The following HCLS1 variants were observed in gnomAD, a reference collection of about 807,000 sequenced individuals.
HCLS1 encodes hematopoietic lineage cell-specific protein.
A neutral mutation model predicts 68.6 loss-of-function variants in HCLS1; 44 were observed. That is an observed-to-expected ratio of 0.64 (90% CI 0.50 to 0.82). The LOEUF (loss-of-function observed/expected upper bound fraction) is 0.82, where lower values mean the gene tolerates loss of function less well. HCLS1 is among the 40% of genes least tolerant of loss of function. The pLI is 0.00. For synonymous variants in HCLS1, 217 were observed against 225.8 expected, an observed-to-expected ratio of 0.96 and a Z score of 0.35; for missense variants, 602 against 612.1, an observed-to-expected ratio of 0.98 and a Z score of 0.17.
At chr3:121,633,033 G>T (rs757442924) in intron 11 of HCLS1, 34 bp downstream of exon 11, 3 of 1,415,008 alleles carry the variant, frequency 2.1e-6, no homozygotes, top group South Asian at 1.2e-5. Context: ...GAGAAGATGG[G>T]GTGGGGGCAG....
In HCLS1 at chr3:121,634,212, A is replaced by C; in HGVS notation, c.898T>G (p.Ser300Ala). 1 of 1,614,134 alleles carries C rather than the reference A, an allele frequency of 6.2e-7. No individual in the cohort carries two copies. The highest frequency in any genetic ancestry group is 1.1e-5 in the South Asian group (1 of 91,080). ...VPAPLPKKIS[S>A]EAWPPVGTPP... ...CCAGAGGGCCAGGCGCTCACCTCTG[A>C]GGAGATTTTCTTGGGCAGTGGGGCC... is the stretch of plus-strand genomic sequence containing the variant. The change falls in exon 10 of 14, where the codon TCA (serine) becomes GCA (alanine). Residue 300 changes from serine to alanine, a missense_variant. Ser to Ala is a moderately conservative substitution (Grantham distance 99, BLOSUM62 1). Transcript: ENST00000314583.
chr3:121,641,626 G>T (rs568215497), intron 6 of HCLS1, among the ~76,000 whole-genome samples: 1 of 152,282 alleles, frequency 6.6e-6, no homozygotes, highest in East Asian at 1.9e-4. Context: ...TAAAAAGAAT[G>T]TAGTTAAAAT....
At chr3:121,645,248 A>C (rs1187682933) in intron 4 of HCLS1, among the ~76,000 whole-genome samples, 1 of 152,222 alleles carries the variant, frequency 6.6e-6, no homozygotes, top group African/African-American at 2.4e-5. Context: ...AAACAAGAGC[A>C]TTGTGCAGCA....
At chr3:121,645,660 T>C (rs1402703434) in intron 4 of HCLS1, among the ~76,000 whole-genome samples, 1 of 151,964 alleles carries the variant, frequency 6.6e-6, no homozygotes, top group Non-Finnish European at 1.5e-5. Flanking sequence ...CTGCCATGTA[T>C]ATCTTATGTG....
rs1560136017 is a variant in HCLS1, at chr3:121,632,468, G to GGCTCAGGCTCA, written c.1103_1104insTGAGCCTGAGC (p.Glu373SerfsTer86). On this transcript the variant is annotated frameshift_variant, in exon 12 of 14. Transcript: ENST00000314583. LOFTEE classifies it high-confidence loss of function. Reference sequence around the variant, plus strand: ...CATTCTCAGGCTCGGGCTCAGGCTCGGGCTCAGGCTCAGGCTCTGCTTCGT... The same window carrying GGCTCAGGCTCA: ...CATTCTCAGGCTCGGGCTCAGGCTCGGCTCAGGCTCAGGCTCAGGCTCAGGCTCTGCTTCGT... 2.3e-4 allele frequency: 373 copies of GGCTCAGGCTCA among 1,613,140 alleles called. 1 individual carries two copies. Among genetic ancestry groups the GGCTCAGGCTCA allele is most frequent in the Non-Finnish European group, 2.9e-4 (347 of 1,179,700 alleles).
At chr3:121,640,309 G>A (rs2049184586) in intron 6 of HCLS1, among the ~76,000 whole-genome samples, 1 of 152,048 alleles carries the variant, frequency 6.6e-6, no homozygotes, top group South Asian at 2.1e-4. Context: ...AGAAGTAGAG[G>A]CAATATTTCC....
In HCLS1 at chr3:121,632,433, T is replaced by A. The variant is rs2049107184; in HGVS notation, c.1139A>T (p.Asp380Val). Reference sequence around the variant, plus strand: ...CTCATGCCTGTCCATCTCCTCAACGTCCTCATAGTCATTCTCAGGCTCGGG... The same window carrying A: ...CTCATGCCTGTCCATCTCCTCAACGACCTCATAGTCATTCTCAGGCTCGGG... Reference protein sequence around the residue: ...PEPEPENDYEDVEEMDRHEQE... With the variant: ...PEPEPENDYEVVEEMDRHEQE... The change falls in exon 12 of 14, where the codon GAC becomes GTC. Residue 380 changes from aspartate (D) to valine (V), a missense_variant. Physicochemically the swap from Asp to Val is radical, Grantham distance 152. Coordinates refer to ENST00000314583, the MANE Select transcript of HCLS1 (RefSeq NM_005335.6). 2 of 1,611,214 alleles carry A rather than the reference T, an allele frequency of 1.2e-6. No homozygotes were observed. Among genetic ancestry groups the A allele is most frequent in the Non-Finnish European group, 1.7e-6 (2 of 1,179,828 alleles).
At chr3:121,639,363 T>A (rs551947430) in intron 6 of HCLS1, among the ~76,000 whole-genome samples, 1 of 152,164 alleles carries the variant, frequency 6.6e-6, no homozygotes, top group Non-Finnish European at 1.5e-5. Context: ...ATATCAGAGA[T>A]CATATTCTGA....
intron 3 of HCLS1, chr3:121,655,671 G>C (rs1430411668): frequency 7.3e-6 from 1 of 137,464 alleles, no homozygotes; most frequent in African/African-American, 2.7e-5. Flanking sequence ...AAAGGAAAAG[G>C]GTCTTGTGGT....
At position 121,637,290 on chromosome 3, in the gene HCLS1, CT is replaced by C. The variant is rs553874090; in HGVS notation, c.455-35del. The C allele has an allele frequency of 5.4e-4, 775 of 1,435,728 alleles. 4 individuals are homozygous for C. The South Asian group carries it at 8.4e-3, about 15-fold the overall frequency. The allele number at this position is 1,435,728 out of a possible 1,614,324, so 88.9% of individuals were successfully genotyped here. A position where few individuals can be genotyped will look rare whatever the true frequency, so the allele number is the denominator to read the frequency against. On this transcript the variant is annotated intron_variant, in intron 6 of 13. Transcript: ENST00000314583. The stretch of plus-strand genomic sequence containing the variant: ...GAAGGAGCAGTCATGAGAGCCCACC[CT>C]TAGGCTCCAGCACACAGGGAAGCGC...
rs1441578629 is a variant in HCLS1 at position 121,657,283 on chromosome 3, T to C, written c.154A>G (p.Ile52Val). The change falls in exon 3 of 14, where the codon ATC becomes GTC. Residue 52 changes from isoleucine to valine, a missense_variant. Transcript: ENST00000314583. ...TCCAGTCCTTTCGGCACCTACTTGA[T>C]GTGTTCTGTGCGTCCAGACCCCTCG... ...TIEGSGRTEH[I>V]NIHQLRNKVS... 2 of 1,613,806 alleles carry C rather than the reference T, an allele frequency of 1.2e-6. No individual in the cohort carries two copies. The highest frequency in any genetic ancestry group is 1.7e-6 in the Non-Finnish European group (2 of 1,179,752).
Position 121,632,145 on chromosome 3 carries a change from A to C in HCLS1, c.1280T>G (p.Val427Gly), listed in dbSNP as rs199584417. The change falls in exon 13 of 14, where the codon GTG becomes GGG. Residue 427 changes from valine (V) to glycine (G), a missense_variant. Transcript: ENST00000314583. ...GCPAGAGAGAVALGISAVAVY... is the reference protein window; with the variant it reads ...GCPAGAGAGAGALGISAVAVY... ...AGCCACAGCTGAGATCCCCAGAGCC[A>C]CAGCCCCAGCCCCAGCCCCAGCCGG... is the stretch of plus-strand genomic sequence containing the variant. 5 of 1,612,596 alleles carry C rather than the reference A, an allele frequency of 3.1e-6. No individual in the cohort carries two copies. The highest frequency in any genetic ancestry group is 1.1e-5 in the South Asian group (1 of 91,004).
At chr3:121,634,522 G>T in intron 9 of HCLS1, 104 bp from the exon 10 acceptor site, 1 of 1,026,456 alleles carries the variant, frequency 9.7e-7, no homozygotes, top group Non-Finnish European at 1.5e-6. Flanking sequence ...TCCGGGAGGA[G>T]GGATTTGTGG....
intron 3 of HCLS1, chr3:121,655,370 G>A (rs1040382015): frequency 6.6e-6 from 1 of 150,494 alleles, no homozygotes; most frequent in Non-Finnish European, 1.5e-5. Flanking sequence ...TACTGCATTA[G>A]ACATTGGCTA....
chr3:121,635,794 C>G lies in HCLS1; in HGVS notation c.632G>C (p.Gly211Ala), dbSNP rs368885768. 20 of 1,614,036 alleles carry G rather than the reference C, an allele frequency of 1.2e-5. No homozygotes were observed. Among genetic ancestry groups the G allele is most frequent in the Admixed American group, 1.2e-4 (7 of 60,014 alleles). Residue 211 changes from glycine (G) to alanine (A), a missense_variant, in exon 9 of 14, where the codon GGC becomes GCC. Gly to Ala is a moderately conservative substitution (Grantham distance 60). Transcript: ENST00000314583. ...GGTCGGGGCCTCCATTTCATTGAAGCCGACAGCGCTCTGCAGGCAGGAGAA... is the reference window on the plus strand; with the variant it reads ...GGTCGGGGCCTCCATTTCATTGAAGGCGACAGCGCTCTGCAGGCAGGAGAA... ...QKDRVDKSAV[G>A]FNEMEAPTTA...
intron 4 of HCLS1, among the ~76,000 whole-genome samples, chr3:121,646,799 C>A (rs1340980417): frequency 7.5e-6 from 1 of 134,202 alleles, no homozygotes; most frequent in African/African-American, 2.7e-5. Flanking sequence ...TCTTATAGAG[C>A]CAATTATTTT....
chr3:121,660,016 G>A (rs1937959012), intron 1 of HCLS1, among the ~76,000 whole-genome samples: 1 of 152,116 alleles, frequency 6.6e-6, no homozygotes, highest in South Asian at 2.1e-4. Context: ...GTGAGAACCA[G>A]AGAGTAATCT....
chr3:121,633,230 T>A (rs1385853711), intron 10 of HCLS1, 59 bp from the exon 11 acceptor site: 2 of 1,149,868 alleles, frequency 1.7e-6, no homozygotes, highest in Admixed American at 4.4e-5. Context: ...CCTTTTTTTT[T>A]TTTGAGATAG....
chr3:121,659,409 T>A (rs1475050933), intron 1 of HCLS1, among the ~76,000 whole-genome samples: 1 of 152,104 alleles, frequency 6.6e-6, no homozygotes, highest in Non-Finnish European at 1.5e-5. Context: ...AGACACCTCA[T>A]CCCATTGGAG....
Sources: gnomAD v4.1 joint callset for allele counts (sites outside exome capture counted in the v4.1 genomes callset) on GRCh38, gnomAD v4.1.1 for gene constraint, MANE v1.5 for transcripts, NCBI Gene and HGNC (gene_info 2026-07-23, HGNC 2026-07-21) for gene names.